The following UNK variants were observed in gnomAD, a reference collection of about 807,000 sequenced individuals.
UNK encodes unk zinc finger.
A neutral mutation model predicts 97.6 loss-of-function variants in UNK; 32 were observed. The ratio of observed to expected loss-of-function variants is 0.33; its 90% CI spans 0.25 to 0.44. UNK has a LOEUF of 0.44. Ranked by LOEUF, UNK falls within the 20% of genes least tolerant of loss-of-function variation. UNK has a pLI of 1.00. For synonymous variants in UNK, 441 were observed against 461.2 expected, an observed-to-expected ratio of 0.96 and a Z score of 0.56; for missense variants, 771 against 1,098.4, an observed-to-expected ratio of 0.70 and a Z score of 4.21.
chr17:75,805,781 G>T (rs2061907223), intron 1 of UNK, among the ~76,000 whole-genome samples: 2 of 151,502 alleles, frequency 1.3e-5, no homozygotes, highest in Admixed American at 1.3e-4. Context: ...CTGGGCAACA[G>T]AGCGAGCCCC....
At position 75,824,495 on chromosome 17, in the gene UNK, T is replaced by TTC; in HGVS notation, c.*78_*79insTC. ...AAGTATATATATATATATGAATATA[T>TTC]ATATATATGTGTATGTATGTATGTA... On this transcript the variant is annotated 3_prime_UTR_variant, in exon 16 of 16. Coordinates refer to ENST00000589666, the MANE Select transcript of UNK (RefSeq NM_001080419.3). This position sits in a 1 kb window ranked among gnomAD's most constrained non-coding sequence, Gnocchi z 4.9. The TTC allele has an allele frequency of 1.1e-6, 1 of 944,706 alleles. No individual in the cohort carries two copies. The highest frequency in any genetic ancestry group is 1.3e-6 in the Non-Finnish European group (1 of 742,938). The allele number at this position is 944,706 out of a possible 1,614,324, so 58.5% of individuals were successfully genotyped here. A position where few individuals can be genotyped will look rare whatever the true frequency, so the allele number is the denominator to read the frequency against.
rs555616231 is a variant in UNK, at chr17:75,815,247, G to T, written c.955G>T (p.Val319Leu). 1.2e-6 allele frequency: 2 copies of T among 1,613,096 alleles called. No individual in the cohort carries two copies. Among genetic ancestry groups the T allele is most frequent in the Admixed American group, 1.7e-5 (1 of 60,012 alleles). ...AGGACCCTTCTGCGCCTTTGCCCAC[G>T]TAGAACGTATGCTGTTCCCATTGCC... ...PRGPFCAFAH[V>L]EQPPLSDDLQ... The change falls in exon 7 of 16, where the codon GTA becomes TTA. Residue 319 changes from valine to leucine, a missense_variant. Transcript: ENST00000589666.
In UNK at chr17:75,813,183, G is replaced by T; in HGVS notation, c.728G>T (p.Arg243Leu). 1 of 1,590,918 alleles carries T rather than the reference G, an allele frequency of 6.3e-7. No homozygotes were observed. The highest frequency in any genetic ancestry group is 8.6e-7 in the Non-Finnish European group (1 of 1,169,298). Residue 243 changes from arginine to leucine, a missense_variant, in exon 5 of 16, where the codon CGG (arginine) becomes CTG (leucine). This residue lies in a region of UNK where 246 missense variants were observed against 440.7 expected (regional missense o/e 0.56). Coordinates refer to ENST00000589666, the MANE Select transcript of UNK (RefSeq NM_001080419.3). The stretch of plus-strand genomic sequence containing the variant: ...CCCTACTACCACAACAGCAAGGACC[G>T]GCGGCGGAGCCCCCGGAAGCACAAA... ...ACPYYHNSKD[R>L]RRSPRKHKYR...
chr17:75,815,285 CCT>C (rs764568159), intron 7 of UNK, 32 bp downstream of exon 7: 1 of 1,583,984 alleles, frequency 6.3e-7, no homozygotes, highest in East Asian at 2.2e-5. Flanking sequence ...GGGGCAGTGC[CCT>C]CTCCCACCCC....
rs1356077194 is a variant in UNK at position 75,816,780 on chromosome 17, G to C, written c.972G>C (p.Leu324=). 1 of 1,602,916 alleles carries C rather than the reference G, an allele frequency of 6.2e-7. No individual in the cohort carries two copies. Among genetic ancestry groups the C allele is most frequent in the Non-Finnish European group, 8.5e-7 (1 of 1,179,344 alleles). The part of the protein sequence containing the change: ...CAFAHVEQPP[L]SDDLQPSSAV... ...CCCTGACTCTTGCAGAGCCACCCCT[G>C]AGTGACGACCTGCAGCCTTCCTCAG... The change falls in exon 8 of 16, where the codon CTG becomes CTC. Residue 324 remains leucine (L), a synonymous_variant. Transcript: ENST00000589666. The surrounding 1 kb of genome is among the most constrained non-coding windows in gnomAD (Gnocchi z 4.0).
In UNK at chr17:75,816,935, G is replaced by A. The variant is rs1410849650; in HGVS notation, c.1104+23G>A. ...GCCGTACGTGTCCATCCTGGGGAGT[G>A]GGTGGGCACCATGCCTGACAGAGCC... On this transcript the variant is annotated intron_variant, in intron 8 of 15. Transcript: ENST00000589666. This position sits in a 1 kb window ranked among gnomAD's most constrained non-coding sequence, Gnocchi z 4.0. 1 of 1,589,772 alleles carries A rather than the reference G, an allele frequency of 6.3e-7. No homozygotes were observed. The highest frequency in any genetic ancestry group is 1.3e-5 in the African/African-American group (1 of 74,648).
At position 75,817,088 on chromosome 17, in the gene UNK, T is replaced by A. The variant is rs1245044249; in HGVS notation, c.1104+176T>A. ...CAAAAGTCCAGGCCCGGGGGTGGGGTAGGGCAGTCCCCAGAGCCTGTGCTG... is the reference window on the plus strand; with the variant it reads ...CAAAAGTCCAGGCCCGGGGGTGGGGAAGGGCAGTCCCCAGAGCCTGTGCTG... On this transcript the variant is annotated intron_variant, in intron 8 of 15. Transcript: ENST00000589666. This position sits in a 1 kb window ranked among gnomAD's most constrained non-coding sequence, Gnocchi z 5.8. 2.4e-5 allele frequency among the ~76,000 whole-genome samples: 3 copies of A among 123,372 alleles called. No individual in the cohort carries two copies. The highest frequency in any genetic ancestry group is 3.8e-5 in the Non-Finnish European group (2 of 52,284). 80.9% of individuals were successfully genotyped at this position (123,372 alleles called of 152,430 possible). A position where few individuals can be genotyped will look rare whatever the true frequency, so the allele number is the denominator to read the frequency against.
chr17:75,792,081 C>G lies in UNK; in HGVS notation c.104+7097C>G, dbSNP rs184886408. Reference sequence around the variant, plus strand: ...GCACGCTTAGGTAACTAGAGCCCTGCCACAGCCTGAGCAGCACAGCACACA... The same window carrying G: ...GCACGCTTAGGTAACTAGAGCCCTGGCACAGCCTGAGCAGCACAGCACACA... On this transcript the variant is annotated intron_variant, in intron 1 of 15. Transcript: ENST00000589666. 36 of 982,796 alleles carry G rather than the reference C, an allele frequency of 3.7e-5. No individual in the cohort carries two copies. In the Admixed American group the frequency reaches 1.9e-3, roughly 52 times the overall value. 60.9% of individuals were successfully genotyped at this position (982,796 alleles called of 1,614,324 possible). A position where few individuals can be genotyped will look rare whatever the true frequency, so the allele number is the denominator to read the frequency against.
intron 5 of UNK, 91 bp from the exon 6 acceptor site, chr17:75,813,670 C>G: frequency 9.1e-7 from 1 of 1,097,976 alleles, no homozygotes; most frequent in Non-Finnish European, 1.3e-6. Context: ...TTTCTGTGCT[C>G]ATGCCTATGA....
chr17:75,809,967 C>T lies in UNK; in HGVS notation c.312C>T (p.Asp104=), dbSNP rs768288555. The T allele has an allele frequency of 3.7e-6, 6 of 1,613,398 alleles. No homozygotes were observed. Among genetic ancestry groups the T allele is most frequent in the East Asian group, 2.2e-5 (1 of 44,876 alleles). The change falls in exon 2 of 16, where the codon GAC becomes GAT. Residue 104 remains aspartate (D), a splice_region_variant and synonymous_variant. Coordinates refer to ENST00000589666, the MANE Select transcript of UNK (RefSeq NM_001080419.3). The stretch of plus-strand genomic sequence containing the variant: ...CTACAGGCCTCTGCCCGGAGGGCGA[C>T]GAGTGAGTGACCCAGCCTGTCCTCA... ...DEATGLCPEG[D]ECPFLHRTTG...
rs567096657 is a variant in UNK, at chr17:75,800,526, CAGG to C, written c.105-9231_105-9229del. ...GGCCGAGGCGGGCGGATCATGAGGT[CAGG>C]AGATTGAGACCATCCTGGCTAATAA... is the stretch of plus-strand genomic sequence containing the variant. On this transcript the variant is annotated intron_variant, in intron 1 of 15. Coordinates refer to ENST00000589666, the MANE Select transcript of UNK (RefSeq NM_001080419.3). Among the ~76,000 whole-genome samples the C allele has an allele frequency of 1.1e-4, 17 of 151,550 alleles. No individual in the cohort carries two copies. In the South Asian group the frequency reaches 2.9e-3, roughly 26 times the overall value.
chr17:75,806,589 T>TG (rs2061920324), intron 1 of UNK, among the ~76,000 whole-genome samples: 2 of 151,872 alleles, frequency 1.3e-5, no homozygotes, highest in Admixed American at 1.3e-4. Context: ...CTGGCCAACA[T>TG]GGTGAAACCC....
chr17:75,812,527 T>C lies in UNK; in HGVS notation c.564T>C (p.Ala188=), dbSNP rs763545072. 3.7e-6 allele frequency: 6 copies of C among 1,612,828 alleles called. No individual in the cohort carries two copies. Among genetic ancestry groups the C allele is most frequent in the Non-Finnish European group, 5.1e-6 (6 of 1,179,804 alleles). The stretch of plus-strand genomic sequence containing the variant: ...AGGGGAGCATAGAGGGCCAGTCGGC[T>C]GGGGCTGCGAGCCATGCCATGATAG... ...TVEGSIEGQS[A]GAASHAMIEK... The change falls in exon 4 of 16, where the codon GCT becomes GCC. Residue 188 remains alanine (A), a synonymous_variant. Coordinates refer to ENST00000589666, the MANE Select transcript of UNK (RefSeq NM_001080419.3).
At chr17:75,797,314 C>T (rs2061815094) in intron 1 of UNK, among the ~76,000 whole-genome samples, 2 of 152,222 alleles carry the variant, frequency 1.3e-5, no homozygotes, top group South Asian at 2.1e-4. Flanking sequence ...CGGCTCACTA[C>T]AACCTCTGCC....
rs2062014544 is a variant in UNK at position 75,816,209 on chromosome 17, G to A, written c.962-561G>A. ...GGCCGCCACCAGTCTCAGAGACAGA[G>A]CTCCAGTTTGTACCTGTTAACACCT... On this transcript the variant is annotated intron_variant, in intron 7 of 15. Transcript: ENST00000589666. This position sits in a 1 kb window ranked among gnomAD's most constrained non-coding sequence, Gnocchi z 4.0. Among the ~76,000 whole-genome samples the A allele has an allele frequency of 6.6e-6, 1 of 152,192 alleles. No homozygotes were observed. The highest frequency in any genetic ancestry group is 2.4e-5 in the African/African-American group (1 of 41,450).
In UNK at chr17:75,798,156, C is replaced by T. The variant is rs886787621; in HGVS notation, c.105-11604C>T. ...CACGATTTCGGCTCACTGCAATCTC[C>T]GCCTCCCGGGTTCAAGCGATTCTCC... On this transcript the variant is annotated intron_variant, in intron 1 of 15. Transcript: ENST00000589666. 6.6e-5 allele frequency among the ~76,000 whole-genome samples: 10 copies of T among 151,740 alleles called. 1 individual carries two copies. Among genetic ancestry groups the T allele is most frequent in the East Asian group, 3.9e-4 (2 of 5,172 alleles).
At chr17:75,786,183 G>A (rs960766422) in intron 1 of UNK, among the ~76,000 whole-genome samples, 2 of 152,310 alleles carry the variant, frequency 1.3e-5, no homozygotes, top group South Asian at 4.1e-4. Context: ...TTCTGATATG[G>A]ACATTGCTTT....
chr17:75,818,017 C>T lies in UNK; in HGVS notation c.1306-86C>T. ...GGGTTGCATGTCTGCCACCACCTGCCCCCTGGTACCTGCAGCCTCAGGGTC... is the reference window on the plus strand; with the variant it reads ...GGGTTGCATGTCTGCCACCACCTGCTCCCTGGTACCTGCAGCCTCAGGGTC... On this transcript the variant is annotated intron_variant, in intron 9 of 15. Transcript: ENST00000589666. The surrounding 1 kb of genome is among the most constrained non-coding windows in gnomAD (Gnocchi z 5.1). 1 of 1,352,448 alleles carries T rather than the reference C, an allele frequency of 7.4e-7. No individual in the cohort carries two copies. Among genetic ancestry groups the T allele is most frequent in the Non-Finnish European group, 1.1e-6 (1 of 950,710 alleles). 83.8% of individuals were successfully genotyped at this position (1,352,448 alleles called of 1,614,324 possible).
intron 1 of UNK, among the ~76,000 whole-genome samples, chr17:75,799,157 C>G (rs1474169712): frequency 1.3e-5 from 2 of 151,372 alleles, no homozygotes; most frequent in South Asian, 2.1e-4. Context: ...CAAAAAAATA[C>G]AAAAATTAGC....
Sources: gnomAD v4.1 joint callset for allele counts (sites outside exome capture counted in the v4.1 genomes callset) on GRCh38, gnomAD v4.1.1 for gene constraint, gnomAD v4.1.1 regional missense constraint, Gnocchi (gnomAD v3.1) non-coding constraint, MANE v1.5 for transcripts, NCBI Gene and HGNC (gene_info 2026-07-23, HGNC 2026-07-21) for gene names.